ATP2B1: variants seen among roughly 807,000 people sequenced by gnomAD.
ATP2B1 encodes ATPase plasma membrane Ca2+ transporting 1.
Under a neutral mutation model 124.2 loss-of-function variants are expected in ATP2B1, and 14 were observed. The observed-to-expected ratio is 0.11, with a 90% CI of 0.07 to 0.18. ATP2B1 has a LOEUF of 0.18. ATP2B1 is among the 10% of genes least tolerant of loss of function. ATP2B1 has a pLI of 1.00. For missense variants in ATP2B1, 763 were observed against 1,466.1 expected (o/e 0.52, Z 7.83); for synonymous variants, 449 against 492.4 (o/e 0.91, Z 1.17).
intron 2 of ATP2B1, among the ~76,000 whole-genome samples, chr12:89,649,689 C>T (rs908353156): frequency 4.6e-5 from 7 of 152,040 alleles, no homozygotes; most frequent in Non-Finnish European, 7.4e-5. Context: ...GAGAAAGACA[C>T]GAGATTTGGT....
intron 1 of ATP2B1, among the ~76,000 whole-genome samples, chr12:89,671,527 A>G (rs1401983): frequency 0.93 from 141,817 of 152,222 alleles, 66,287 homozygotes; most frequent in East Asian, 0.99. Context: ...CCTTTCGCCT[A>G]ATCTTCCCAA....
chr12:89,698,636 G>A (rs1891459443), intron 1 of ATP2B1, among the ~76,000 whole-genome samples: 1 of 151,982 alleles, frequency 6.6e-6, no homozygotes. Flanking sequence ...TTATATCTTA[G>A]TAAGACTATA....
At chr12:89,631,474 C>T (rs1881851492) in intron 5 of ATP2B1, among the ~76,000 whole-genome samples, 1 of 152,186 alleles carries the variant, frequency 6.6e-6, no homozygotes, top group East Asian at 1.9e-4. Flanking sequence ...TCCAGCACGC[C>T]TTTGTAACTG....
chr12:89,655,637 C>T (rs369957237), intron 2 of ATP2B1, 42 bp downstream of exon 2: 2 of 1,562,322 alleles, frequency 1.3e-6, no homozygotes, highest in Non-Finnish European at 1.8e-6. Flanking sequence ...ATATATAGAA[C>T]TCTTTGCACA....
At chr12:89,658,580 A>G (rs920194106) in intron 1 of ATP2B1, among the ~76,000 whole-genome samples, 4 of 150,310 alleles carry the variant, frequency 2.7e-5, no homozygotes, top group Non-Finnish European at 5.9e-5. Flanking sequence ...CACAGAATTC[A>G]AACAGAGAAT....
intron 5 of ATP2B1, among the ~76,000 whole-genome samples, chr12:89,632,155 C>T (rs971864947): frequency 2.0e-5 from 3 of 149,910 alleles, no homozygotes; most frequent in Non-Finnish European, 4.4e-5. Context: ...TTTTTTTTTA[C>T]ACGTTATCAT....
At chr12:89,598,996 G>T in intron 20 of ATP2B1, 121 bp downstream of exon 20, 1 of 1,207,768 alleles carries the variant, frequency 8.3e-7, no homozygotes. Context: ...CTTTTCAAGA[G>T]AATACAATTT....
chr12:89,624,748 T>G (rs1425122221), intron 8 of ATP2B1, among the ~76,000 whole-genome samples: 1 of 152,170 alleles, frequency 6.6e-6, no homozygotes. Flanking sequence ...AGAGGCAAGC[T>G]CCCTGATGCT....
At position 89,642,473 on chromosome 12, in the gene ATP2B1, T is replaced by A. The variant is rs184907935; in HGVS notation, c.209-118A>T. On this transcript the variant is annotated intron_variant, in intron 2 of 20. Coordinates refer to ENST00000428670, the MANE Select transcript of ATP2B1 (RefSeq NM_001366521.1). ...GACCCTACCAAAATGTTTACTTTCA[T>A]GCTTTAAGTGTACAGAATTTAAATC... 3.3e-4 allele frequency: 317 copies of A among 959,232 alleles called. 1 individual carries two copies. Among genetic ancestry groups the A allele is most frequent in the Middle Eastern group, 6.8e-4 (2 of 2,952 alleles). The allele number at this position is 959,232 out of a possible 1,614,324, so 59.4% of individuals were successfully genotyped here.
At chr12:89,617,592 T>C (rs1879200699) in intron 11 of ATP2B1, among the ~76,000 whole-genome samples, 1 of 152,200 alleles carries the variant, frequency 6.6e-6, no homozygotes, top group Admixed American at 6.5e-5. Context: ...CTACCTTTTC[T>C]TTCATTACAT....
intron 3 of ATP2B1, among the ~76,000 whole-genome samples, chr12:89,640,382 C>G (rs1883322387): frequency 6.6e-6 from 1 of 152,200 alleles, no homozygotes; most frequent in Non-Finnish European, 1.5e-5. Context: ...ATGGGACACA[C>G]AGCAAAATCT....
At chr12:89,708,395 T>C (rs1261511944) in intron 1 of ATP2B1, among the ~76,000 whole-genome samples, 1 of 152,094 alleles carries the variant, frequency 6.6e-6, no homozygotes, top group Non-Finnish European at 1.5e-5. Context: ...CCCGCTCACC[T>C]TCACAATCTC....
At chr12:89,629,044 T>C (rs1335822792) in intron 6 of ATP2B1, among the ~76,000 whole-genome samples, 1 of 152,016 alleles carries the variant, frequency 6.6e-6, no homozygotes, top group East Asian at 1.9e-4. Context: ...TGTTAATTTC[T>C]GGGGAATGTT....
chr12:89,603,075 A>G lies in ATP2B1; in HGVS notation c.3028T>C (p.Cys1010Arg). 6.2e-7 allele frequency: 1 copy of G among 1,613,974 alleles called. No individual in the cohort carries two copies. The highest frequency in any genetic ancestry group is 8.5e-7 in the Non-Finnish European group (1 of 1,179,910). ...ACAAAAGTGCCTAAAACAATTGTGC[A>G]GAAGATGGCATTGTTAAAGATTCCT... ...FEGIFNNAIF[C>R]TIVLGTFVVQ... Residue 1010 changes from cysteine (C) to arginine (R), a missense_variant, in exon 18 of 21, where the codon TGC becomes CGC. Physicochemically the swap from Cys to Arg is radical, Grantham distance 180 (BLOSUM62 -3). Transcript: ENST00000428670. This position sits in a 1 kb window ranked among gnomAD's most constrained non-coding sequence, Gnocchi z 4.3.
intron 1 of ATP2B1, among the ~76,000 whole-genome samples, chr12:89,693,471 G>A (rs1032530981): frequency 1.3e-5 from 2 of 152,154 alleles, no homozygotes; most frequent in Non-Finnish European, 2.9e-5. Flanking sequence ...TCATGAAGGA[G>A]CTTCATAATG....
chr12:89,659,211 A>G (rs1414476093), intron 1 of ATP2B1, among the ~76,000 whole-genome samples: 1 of 152,194 alleles, frequency 6.6e-6, no homozygotes, highest in East Asian at 1.9e-4. Context: ...TGAAAAGTCT[A>G]AGAAAAAATG....
At chr12:89,690,826 A>G (rs1286440838) in intron 1 of ATP2B1, among the ~76,000 whole-genome samples, 5 of 152,084 alleles carry the variant, frequency 3.3e-5, no homozygotes, top group Admixed American at 2.6e-4. Context: ...TTGTCACTTT[A>G]AGTGAGTGGC....
chr12:89,659,713 G>A (rs948423663), intron 1 of ATP2B1, among the ~76,000 whole-genome samples: 2 of 152,004 alleles, frequency 1.3e-5, no homozygotes, highest in Non-Finnish European at 2.9e-5. Flanking sequence ...ACGAGGTCAG[G>A]AGATCAAGAC....
At chr12:89,702,103 G>C (rs564805191) in intron 1 of ATP2B1, among the ~76,000 whole-genome samples, 1 of 152,330 alleles carries the variant, frequency 6.6e-6, no homozygotes, top group African/African-American at 2.4e-5. Context: ...TTTGTGAAAT[G>C]AGAGGACAAA....
Sources: allele counts gnomAD v4.1 joint callset (sites outside exome capture counted in the v4.1 genomes callset), GRCh38; gene constraint gnomAD v4.1.1; non-coding constraint Gnocchi (gnomAD v3.1); transcripts MANE v1.5; gene names NCBI Gene and HGNC (gene_info 2026-07-23, HGNC 2026-07-21).